Variants in CLYBL observed in about 807,000 individuals in gnomAD.
CLYBL encodes citramalyl-CoA lyase.
In CLYBL, 31 loss-of-function variants were observed where a neutral mutation model predicts 38.9. The observed-to-expected ratio is 0.80, with a 90% CI of 0.60 to 1.08. The LOEUF (loss-of-function observed/expected upper bound fraction) is 1.08, where lower values mean the gene tolerates loss of function less well. Among genes scored for constraint, CLYBL ranks in the 50% least tolerant of loss-of-function variants. The pLI is 0.00. For synonymous variants in CLYBL, 171 were observed against 158.6 expected, an observed-to-expected ratio of 1.08 and a Z score of -0.59; for missense variants, 434 against 411.6, an observed-to-expected ratio of 1.05 and a Z score of -0.47.
At chr13:99,615,116 G>A (rs2046689033) in intron 1 of CLYBL, among the ~76,000 whole-genome samples, 1 of 152,238 alleles carries the variant, frequency 6.6e-6, no homozygotes, top group Non-Finnish European at 1.5e-5. Context: ...GGGTGAGCCT[G>A]TGCCAAGACA....
At chr13:99,841,492 C>T (rs1002209561) in intron 2 of CLYBL, among the ~76,000 whole-genome samples, 2 of 152,032 alleles carry the variant, frequency 1.3e-5, no homozygotes, top group Admixed American at 6.6e-5. Flanking sequence ...CTCCGCCTCC[C>T]GGGTTCAAGC....
intron 1 of CLYBL, among the ~76,000 whole-genome samples, chr13:99,728,218 C>A (rs1169531655): frequency 2.0e-5 from 3 of 152,012 alleles, no homozygotes; most frequent in Non-Finnish European, 1.5e-5. Flanking sequence ...CTGGCCCCCT[C>A]CCCCAATAAA....
chr13:99,873,962 A>G (rs569187275), intron 7 of CLYBL, among the ~76,000 whole-genome samples: 1 of 151,366 alleles, frequency 6.6e-6, no homozygotes, highest in South Asian at 2.1e-4. Context: ...TTACATTAAA[A>G]CAAATAACAA....
intron 7 of CLYBL, among the ~76,000 whole-genome samples, chr13:99,875,898 G>T (rs1277803453): frequency 6.6e-6 from 1 of 152,078 alleles, no homozygotes; most frequent in Non-Finnish European, 1.5e-5. Context: ...AACATTTTCA[G>T]AAAGATCGGC....
In CLYBL at chr13:99,849,415, A is replaced by G. The variant is rs954094342; in HGVS notation, c.250-9446A>G. ...GTAGTCACAGCTACTCAGGAGGCCA[A>G]GGCGAGCGGATTGCTGGGGCCTAGG... is the stretch of plus-strand genomic sequence containing the variant. On this transcript the variant is annotated intron_variant, in intron 2 of 8. Transcript: ENST00000339105. The surrounding 1 kb of genome is among the most constrained non-coding windows in gnomAD (Gnocchi z 4.9). Among the ~76,000 whole-genome samples the G allele has an allele frequency of 1.3e-5, 2 of 152,168 alleles. No homozygotes were observed. The highest frequency in any genetic ancestry group is 2.9e-5 in the Non-Finnish European group (2 of 68,040).
At chr13:99,690,622 C>G (rs2047887345) in intron 1 of CLYBL, 1 of 152,222 alleles carries the variant, frequency 6.6e-6, no homozygotes. Context: ...TTCTGAACAG[C>G]TGCCCTTCCG....
chr13:99,844,622 C>T (rs1156647734), intron 2 of CLYBL, among the ~76,000 whole-genome samples: 4 of 152,224 alleles, frequency 2.6e-5, no homozygotes, highest in Non-Finnish European at 5.9e-5. Flanking sequence ...AAATCATCTT[C>T]GGTGTCCTCT....
chr13:99,637,629 G>C (rs570116713), intron 1 of CLYBL, among the ~76,000 whole-genome samples: 1 of 152,118 alleles, frequency 6.6e-6, no homozygotes, highest in Non-Finnish European at 1.5e-5. Context: ...GCTGTGGCAC[G>C]CACCTGTAAT....
chr13:99,746,421 G>A (rs2048852792), intron 1 of CLYBL, among the ~76,000 whole-genome samples: 1 of 150,638 alleles, frequency 6.6e-6, no homozygotes, highest in South Asian at 2.1e-4. Context: ...GAAGAGTTTA[G>A]TGGATATTTC....
At chr13:99,786,621 G>A (rs1055146349) in intron 2 of CLYBL, among the ~76,000 whole-genome samples, 1 of 152,136 alleles carries the variant, frequency 6.6e-6, no homozygotes, top group African/African-American at 2.4e-5. Flanking sequence ...GGACATTTGG[G>A]TTGGTTCCAA....
At chr13:99,863,379 A>G (rs2051657770) in intron 4 of CLYBL, among the ~76,000 whole-genome samples, 1 of 152,208 alleles carries the variant, frequency 6.6e-6, no homozygotes, top group Non-Finnish European at 1.5e-5. Flanking sequence ...CTGTGTAATT[A>G]TATGCTTTGA....
chr13:99,839,342 C>CTT (rs1364368992), intron 2 of CLYBL, among the ~76,000 whole-genome samples: 2 of 152,228 alleles, frequency 1.3e-5, no homozygotes, highest in Admixed American at 1.3e-4. Context: ...ACGGACCACA[C>CTT]TTACATATCT....
At chr13:99,814,222 T>C (rs1393114474) in intron 2 of CLYBL, among the ~76,000 whole-genome samples, 3 of 152,220 alleles carry the variant, frequency 2.0e-5, no homozygotes, top group African/African-American at 4.8e-5. Flanking sequence ...CGATACCTGC[T>C]TTTAAATTGC....
chr13:99,752,131 G>A (rs7987714), intron 1 of CLYBL, among the ~76,000 whole-genome samples: 25,636 of 152,048 alleles, frequency 0.17, 3,018 homozygotes, highest in East Asian at 0.37. Flanking sequence ...CTCATATGCC[G>A]CTGGTGGGAG....
intron 6 of CLYBL, 44 bp from the exon 7 acceptor site, chr13:99,870,894 C>T (rs753800357): frequency 1.3e-6 from 2 of 1,556,874 alleles, no homozygotes; most frequent in East Asian, 2.3e-5. Context: ...GTTTGAACAT[C>T]TGTTCGTTGT....
chr13:99,871,489 A>T (rs1207152707), intron 7 of CLYBL, among the ~76,000 whole-genome samples: 1 of 151,352 alleles, frequency 6.6e-6, no homozygotes, highest in Non-Finnish European at 1.5e-5. Flanking sequence ...GGGGGAAAAA[A>T]GTACAGAAAT....
At chr13:99,810,736 G>A (rs1345062127) in intron 2 of CLYBL, among the ~76,000 whole-genome samples, 3 of 152,092 alleles carry the variant, frequency 2.0e-5, no homozygotes, top group South Asian at 2.1e-4. Flanking sequence ...AGGTGTGGAC[G>A]GGGAGGCCAT....
In CLYBL at chr13:99,891,443, C is replaced by A. The variant is rs776789993; in HGVS notation, c.*24+6C>A. On this transcript the variant is annotated splice_donor_region_variant and intron_variant, in intron 8 of 8. Coordinates refer to ENST00000339105, the MANE Select transcript of CLYBL (RefSeq NM_206808.5). The stretch of plus-strand genomic sequence containing the variant: ...TTAAATGAAGCTGTCATCAGGTGGG[C>A]TGAACATATACAGTGGGGTTCTTAA... 3 of 1,510,650 alleles carry A rather than the reference C, an allele frequency of 2.0e-6. No homozygotes were observed. The highest frequency in any genetic ancestry group is 1.1e-5 in the South Asian group (1 of 88,970). The allele number at this position is 1,510,650 out of a possible 1,614,324, so 93.6% of individuals were successfully genotyped here. A position where few individuals can be genotyped will look rare whatever the true frequency, so the allele number is the denominator to read the frequency against.
chr13:99,871,990 C>CAAAAAAA (rs113487766), intron 7 of CLYBL, among the ~76,000 whole-genome samples: 2 of 119,414 alleles, frequency 1.7e-5, no homozygotes, highest in African/African-American at 5.8e-5. Flanking sequence ...TTCCCCCCTG[C>CAAAAAAA]AAAAAAAAAA....
Sources: allele counts gnomAD v4.1 joint callset (sites outside exome capture counted in the v4.1 genomes callset), GRCh38; gene constraint gnomAD v4.1.1; non-coding constraint Gnocchi (gnomAD v3.1); transcripts MANE v1.5; gene names NCBI Gene and HGNC (gene_info 2026-07-23, HGNC 2026-07-21).